Variants in TOP6BL observed in about 807,000 individuals in gnomAD.
The protein encoded by TOP6BL is TOP6B like initiator of meiotic double strand breaks.
the TOP6BL span, among the ~76,000 whole-genome samples, chr11:66,816,882 G>A: frequency 2.8e-4 from 42 of 152,210 alleles, no homozygotes; most frequent in African/African-American, 1.0e-3. Flanking sequence ...GGCTGGGTGC[G>A]GTGGCTCATG....
the TOP6BL span, among the ~76,000 whole-genome samples, chr11:66,772,251 T>TA: frequency 6.6e-6 from 1 of 152,222 alleles, no homozygotes; most frequent in Admixed American, 6.5e-5. Context: ...GATGTTTATA[T>TA]ATTTTTCAAG....
At chr11:66,764,747 G>A in the TOP6BL span, among the ~76,000 whole-genome samples, 1 of 151,848 alleles carries the variant, frequency 6.6e-6, no homozygotes, top group Non-Finnish European at 1.5e-5. Flanking sequence ...GGAGACTGAG[G>A]TAGGCAGATT....
At chr11:66,779,928 C>T in the TOP6BL span, among the ~76,000 whole-genome samples, 3 of 147,648 alleles carry the variant, frequency 2.0e-5, no homozygotes, top group East Asian at 6.0e-4. Flanking sequence ...CCAAACACCG[C>T]ATGTTCTCAC....
At chr11:66,750,079 C>T in the TOP6BL span, among the ~76,000 whole-genome samples, 1 of 152,090 alleles carries the variant, frequency 6.6e-6, no homozygotes, top group Non-Finnish European at 1.5e-5. Flanking sequence ...TTTTCTATGC[C>T]TACGTTCTTA....
At chr11:66,800,657 G>T in the TOP6BL span, 3 of 1,604,492 alleles carry the variant, frequency 1.9e-6, no homozygotes, top group Admixed American at 5.1e-5. Flanking sequence ...TTTCATTTCA[G>T]TGTAAAGGTA....
At chr11:66,763,852 T>A in the TOP6BL span, among the ~76,000 whole-genome samples, 1 of 152,208 alleles carries the variant, frequency 6.6e-6, no homozygotes, top group African/African-American at 2.4e-5. Flanking sequence ...CAAGCTCTCA[T>A]GCAACAGCCT....
the TOP6BL span, among the ~76,000 whole-genome samples, chr11:66,817,808 A>G: frequency 6.6e-6 from 1 of 152,044 alleles, no homozygotes; most frequent in Non-Finnish European, 1.5e-5. Context: ...CGGCCTCCCA[A>G]AGTGCTGGGA....
chr11:66,765,333 T>TA, the TOP6BL span, among the ~76,000 whole-genome samples: 1 of 152,216 alleles, frequency 6.6e-6, no homozygotes, highest in Non-Finnish European at 1.5e-5. Context: ...CTTATTGTGA[T>TA]AAAGTGTGAG....
At chr11:66,801,652 A>G in the TOP6BL span, among the ~76,000 whole-genome samples, 8 of 152,132 alleles carry the variant, frequency 5.3e-5, no homozygotes, top group Non-Finnish European at 1.2e-4. Context: ...CCTGGCCAAC[A>G]TGGCAAAACC....
the TOP6BL span, among the ~76,000 whole-genome samples, chr11:66,780,740 C>T: frequency 1.3e-5 from 2 of 152,038 alleles, no homozygotes; most frequent in African/African-American, 4.8e-5. Context: ...TGCCACCACA[C>T]CTGGCTAATT....
At chr11:66,761,572 G>T in the TOP6BL span, 2 of 1,130,888 alleles carry the variant, frequency 1.8e-6, no homozygotes, top group African/African-American at 1.6e-5. Flanking sequence ...GTGTCTGTCT[G>T]CTCTACTGGC....
the TOP6BL span, among the ~76,000 whole-genome samples, chr11:66,798,469 A>AT: frequency 4.0e-5 from 6 of 151,616 alleles, no homozygotes; most frequent in Non-Finnish European, 8.8e-5. Flanking sequence ...GTGTGGTTCC[A>AT]TGCACCTGTG....
the TOP6BL span, among the ~76,000 whole-genome samples, chr11:66,785,927 C>G: frequency 9.2e-5 from 14 of 152,324 alleles, no homozygotes; most frequent in African/African-American, 3.4e-4. Context: ...ATTGTGGAAT[C>G]TCTCTTTTGT....
chr11:66,843,030 C>T, the TOP6BL span: 5 of 1,555,816 alleles, frequency 3.2e-6, no homozygotes, highest in African/African-American at 5.4e-5. Context: ...ACGGCAGGGC[C>T]CTGGCGCCGG....
chr11:66,840,089 T>C, the TOP6BL span, among the ~76,000 whole-genome samples: 1 of 152,162 alleles, frequency 6.6e-6, no homozygotes, highest in Non-Finnish European at 1.5e-5. Flanking sequence ...GGCTGTTCTG[T>C]CCTACAGACC....
At chr11:66,776,270 C>T in the TOP6BL span, among the ~76,000 whole-genome samples, 12 of 151,858 alleles carry the variant, frequency 7.9e-5, no homozygotes, top group Non-Finnish European at 1.2e-4. Flanking sequence ...TGTTGGCCAG[C>T]CTGGTCTTGA....
At chr11:66,747,268 C>G in the TOP6BL span, among the ~76,000 whole-genome samples, 1 of 152,128 alleles carries the variant, frequency 6.6e-6, no homozygotes. Flanking sequence ...TCTTGGAGTC[C>G]TGTTCAACTT....
the TOP6BL span, among the ~76,000 whole-genome samples, chr11:66,825,017 G>A: frequency 2.0e-5 from 3 of 151,764 alleles, no homozygotes; most frequent in African/African-American, 4.8e-5. Flanking sequence ...CTGAGGAATC[G>A]CCACACTGAC....
At chr11:66,762,354 C>T in the TOP6BL span, 7 of 373,724 alleles carry the variant, frequency 1.9e-5, no homozygotes, top group Middle Eastern at 8.2e-4. Flanking sequence ...AAGCCGGCGA[C>T]GCAGAAGCCC....
Sources: allele counts gnomAD v4.1 joint callset (sites outside exome capture counted in the v4.1 genomes callset), GRCh38; gene constraint gnomAD v4.1.1; transcripts MANE v1.5; gene names NCBI Gene and HGNC (gene_info 2026-07-23, HGNC 2026-07-21).